Variants in ERBB4 observed in about 807,000 individuals in gnomAD.
ERBB4 encodes erb-b2 receptor tyrosine kinase 4, also known as receptor tyrosine-protein kinase erbB-4.
A neutral mutation model predicts 158.0 loss-of-function variants in ERBB4; 42 were observed. The observed-to-expected ratio is 0.27, with a 90% CI of 0.21 to 0.34. The LOEUF (loss-of-function observed/expected upper bound fraction) is 0.34, where lower values mean the gene tolerates loss of function less well. Ranked by LOEUF, ERBB4 falls within the 10% of genes least tolerant of loss-of-function variation. The pLI, the probability that ERBB4 is intolerant of heterozygous loss-of-function variation, is 1.00. For synonymous variants in ERBB4, 583 were observed against 558.7 expected (o/e 1.04, Z -0.61); for missense variants, 1,333 against 1,624.1 (o/e 0.82, Z 3.08).
intron 1 of ERBB4, among the ~76,000 whole-genome samples, chr2:212,165,516 G>A (rs2081321495): frequency 6.6e-6 from 1 of 151,988 alleles, no homozygotes; most frequent in Admixed American, 6.6e-5. Flanking sequence ...CCTCTGGCCA[G>A]TGAGATAGAA....
intron 16 of ERBB4, among the ~76,000 whole-genome samples, chr2:211,630,920 G>A (rs2070096590): frequency 6.6e-6 from 1 of 152,058 alleles, no homozygotes. Flanking sequence ...ATTGGTGTTG[G>A]CGCATTTAAT....
At chr2:211,564,949 C>A (rs1055730307) in intron 19 of ERBB4, among the ~76,000 whole-genome samples, 7 of 152,006 alleles carry the variant, frequency 4.6e-5, no homozygotes, top group Non-Finnish European at 8.8e-5. Context: ...GTGATAGATA[C>A]ATAGAAAACT....
At chr2:212,002,101 T>G (rs2076119161) in intron 2 of ERBB4, among the ~76,000 whole-genome samples, 1 of 152,208 alleles carries the variant, frequency 6.6e-6, no homozygotes, top group African/African-American at 2.4e-5. Context: ...GATGGCAGAC[T>G]GAGCTCAATG....
intron 1 of ERBB4, among the ~76,000 whole-genome samples, chr2:212,252,922 A>G (rs1321008454): frequency 1.3e-5 from 2 of 152,188 alleles, no homozygotes; most frequent in East Asian, 3.8e-4. Context: ...GCTCAGACAC[A>G]TAATCAAAAG....
intron 1 of ERBB4, among the ~76,000 whole-genome samples, chr2:212,428,185 T>C (rs2091955418): frequency 6.6e-6 from 1 of 152,184 alleles, no homozygotes; most frequent in Admixed American, 6.6e-5. Flanking sequence ...ATGAATTTTA[T>C]ATACAGGAAA....
At chr2:211,407,519 G>C (rs949220398) in intron 25 of ERBB4, among the ~76,000 whole-genome samples, 2 of 152,130 alleles carry the variant, frequency 1.3e-5, no homozygotes, top group East Asian at 3.8e-4. Flanking sequence ...ATTGGTTGTA[G>C]ATTAAACTTC....
At chr2:212,254,283 T>C (rs2084644457) in intron 1 of ERBB4, among the ~76,000 whole-genome samples, 1 of 152,144 alleles carries the variant, frequency 6.6e-6, no homozygotes, top group Non-Finnish European at 1.5e-5. Flanking sequence ...AGTGCCTAAT[T>C]TCATACCAGC....
chr2:212,312,728 T>C (rs1033536299), intron 1 of ERBB4, among the ~76,000 whole-genome samples: 1 of 151,044 alleles, frequency 6.6e-6, no homozygotes, highest in Non-Finnish European at 1.5e-5. Flanking sequence ...ATATATTAAA[T>C]TGAACAGCTT....
intron 3 of ERBB4, among the ~76,000 whole-genome samples, chr2:211,867,405 A>G (rs2078237551): frequency 6.6e-6 from 1 of 152,244 alleles, no homozygotes; most frequent in African/African-American, 2.4e-5. Flanking sequence ...ACAAGTATGT[A>G]AACACACACA....
chr2:211,510,041 T>C (rs1033540001), intron 20 of ERBB4, among the ~76,000 whole-genome samples: 4 of 152,050 alleles, frequency 2.6e-5, no homozygotes, highest in African/African-American at 9.7e-5. Context: ...CAGAGGTTTC[T>C]CAAATAACTA....
intron 2 of ERBB4, among the ~76,000 whole-genome samples, chr2:212,027,425 G>T (rs568043160): frequency 1.3e-5 from 2 of 151,898 alleles, no homozygotes; most frequent in South Asian, 4.1e-4. Flanking sequence ...CTTAATTATA[G>T]GTTTTCACTG....
At chr2:211,417,510 A>G (rs551918144) in intron 25 of ERBB4, among the ~76,000 whole-genome samples, 9 of 152,214 alleles carry the variant, frequency 5.9e-5, no homozygotes, top group East Asian at 5.8e-4. Flanking sequence ...TTAAAAGTAT[A>G]TCTAACAATA....
intron 1 of ERBB4, among the ~76,000 whole-genome samples, chr2:212,536,140 C>G (rs1290195652): frequency 6.6e-6 from 1 of 152,204 alleles, no homozygotes; most frequent in Non-Finnish European, 1.5e-5. Flanking sequence ...CTACTGACTG[C>G]TAACCGCGAG....
intron 3 of ERBB4, among the ~76,000 whole-genome samples, chr2:211,810,877 T>A (rs1022290658): frequency 1.3e-4 from 20 of 151,864 alleles, no homozygotes; most frequent in African/African-American, 4.6e-4. Flanking sequence ...GGTTTCACCT[T>A]GTTAGCCAGG....
chr2:212,489,150 G>T (rs952651115), intron 1 of ERBB4, among the ~76,000 whole-genome samples: 1 of 151,796 alleles, frequency 6.6e-6, no homozygotes, highest in Non-Finnish European at 1.5e-5. Context: ...TATAAAATAA[G>T]ACAGAATTGG....
At chr2:212,136,584 G>A (rs1476764987) in intron 1 of ERBB4, among the ~76,000 whole-genome samples, 1 of 152,120 alleles carries the variant, frequency 6.6e-6, no homozygotes, top group Admixed American at 6.6e-5. Flanking sequence ...CACATGACCT[G>A]GACATCACAA....
intron 1 of ERBB4, among the ~76,000 whole-genome samples, chr2:212,358,067 A>G (rs2089533031): frequency 6.6e-6 from 1 of 151,898 alleles, no homozygotes; most frequent in Non-Finnish European, 1.5e-5. Context: ...GGTTTCTGAG[A>G]CAAATTTGCT....
At chr2:211,814,715 T>A (rs2076840063) in intron 3 of ERBB4, among the ~76,000 whole-genome samples, 1 of 152,200 alleles carries the variant, frequency 6.6e-6, no homozygotes, top group African/African-American at 2.4e-5. Flanking sequence ...AGAAACTCAC[T>A]TATCTGGTAA....
chr2:211,772,838 C>G (rs58106286), intron 4 of ERBB4, among the ~76,000 whole-genome samples: 1 of 18,304 alleles, frequency 5.5e-5, no homozygotes, highest in African/African-American at 2.6e-4. Flanking sequence ...TATATATACA[C>G]ATATATATAT....
Sources: allele counts gnomAD v4.1 joint callset (sites outside exome capture counted in the v4.1 genomes callset), GRCh38; gene constraint gnomAD v4.1.1; transcripts MANE v1.5; gene names NCBI Gene and HGNC (gene_info 2026-07-23, HGNC 2026-07-21).